The following GPC6 variants were observed in gnomAD, a reference collection of about 807,000 sequenced individuals.
GPC6 encodes glypican 6.
In GPC6, 14 loss-of-function variants were observed where a neutral mutation model predicts 55.2. The ratio of observed to expected loss-of-function variants is 0.25; its 90% confidence interval spans 0.17 to 0.40. GPC6 has a LOEUF of 0.40. Among genes scored for constraint, GPC6 ranks in the 10% least tolerant of loss-of-function variants. GPC6 has a pLI of 1.00. For synonymous variants in GPC6, 278 were observed against 259.6 expected, an observed-to-expected ratio of 1.07 and a Z score of -0.68; for missense variants, 641 against 708.5, an observed-to-expected ratio of 0.90 and a Z score of 1.08.
At chr13:93,904,578 A>G (rs1188794864) in intron 3 of GPC6, among the ~76,000 whole-genome samples, 1 of 152,080 alleles carries the variant, frequency 6.6e-6, no homozygotes, top group East Asian at 1.9e-4. Context: ...TCTCTAGAAA[A>G]AATAAAAAAA....
chr13:94,266,151 C>CTT (rs111623457), intron 4 of GPC6, among the ~76,000 whole-genome samples: 3,786 of 142,784 alleles, frequency 0.027, 97 homozygotes, highest in African/African-American at 0.069. Flanking sequence ...CTTTTCTTTT[C>CTT]TTTTTTTTTT....
chr13:93,576,653 G>A (rs1876679404), intron 2 of GPC6, among the ~76,000 whole-genome samples: 1 of 152,054 alleles, frequency 6.6e-6, no homozygotes, highest in African/African-American at 2.4e-5. Context: ...ATAGTGTCAT[G>A]CTAACGTACA....
intron 6 of GPC6, among the ~76,000 whole-genome samples, chr13:94,361,745 C>A (rs932287950): frequency 1.3e-5 from 2 of 152,124 alleles, no homozygotes; most frequent in African/African-American, 4.8e-5. Context: ...TAAATTCAGA[C>A]AGGAAGGTTG....
intron 6 of GPC6, among the ~76,000 whole-genome samples, chr13:94,325,828 A>G (rs1452322838): frequency 6.6e-6 from 1 of 152,180 alleles, no homozygotes. Flanking sequence ...CGCCAAGGCT[A>G]AAAGCAAGAT....
intron 1 of GPC6, among the ~76,000 whole-genome samples, chr13:93,401,689 C>CTTTT (rs4001853): frequency 1.6e-5 from 1 of 64,500 alleles, no homozygotes. Context: ...CATGAATGGA[C>CTTTT]TTTTTTTTTT....
rs544636566 is a variant in GPC6, at chr13:93,308,066, C to T, written c.160+80450C>T. On this transcript the variant is annotated intron_variant, in intron 1 of 8. Transcript: ENST00000377047. ...TTGGGAGGCCGAGGTGGGCGGATCA[C>T]GAAGTCAGGAGATCGAGACCATCCT... 2.6e-5 allele frequency among the ~76,000 whole-genome samples: 4 copies of T among 152,198 alleles called. 1 individual carries two copies. Among genetic ancestry groups the T allele is most frequent in the Admixed American group, 1.3e-4 (2 of 15,294 alleles).
intron 7 of GPC6, among the ~76,000 whole-genome samples, chr13:94,385,947 AC>A (rs1188994306): frequency 6.6e-6 from 1 of 152,246 alleles, no homozygotes; most frequent in Admixed American, 6.5e-5. Context: ...AAGAAAAGTT[AC>A]TTTTATCACC....
intron 1 of GPC6, among the ~76,000 whole-genome samples, chr13:93,256,891 T>C (rs1876972028): frequency 1.3e-5 from 2 of 152,148 alleles, no homozygotes; most frequent in South Asian, 2.1e-4. Context: ...CAATTAGCAA[T>C]CTAGAGGGTA....
chr13:93,747,127 T>C (rs1227633859), intron 2 of GPC6, among the ~76,000 whole-genome samples: 1 of 152,126 alleles, frequency 6.6e-6, no homozygotes, highest in Non-Finnish European at 1.5e-5. Flanking sequence ...GAGGAGCTGA[T>C]TGAACTGGCA....
At chr13:94,069,923 A>G (rs150556660) in intron 4 of GPC6, among the ~76,000 whole-genome samples, 3 of 151,750 alleles carry the variant, frequency 2.0e-5, no homozygotes, top group East Asian at 1.9e-4. Context: ...AACTGTTCCA[A>G]CCTCTTCCTG....
chr13:94,400,933 T>C (rs1398925655), intron 8 of GPC6, among the ~76,000 whole-genome samples: 2 of 152,220 alleles, frequency 1.3e-5, no homozygotes, highest in African/African-American at 4.8e-5. Flanking sequence ...TAAGTCTAAC[T>C]GGCTTACCCT....
intron 2 of GPC6, among the ~76,000 whole-genome samples, chr13:93,698,636 A>T (rs1882557354): frequency 6.6e-6 from 1 of 151,564 alleles, no homozygotes; most frequent in Non-Finnish European, 1.5e-5. Context: ...TGAATTGATC[A>T]TCTATTCTTC....
intron 4 of GPC6, among the ~76,000 whole-genome samples, chr13:94,101,753 G>A (rs1399642123): frequency 6.6e-6 from 1 of 151,452 alleles, no homozygotes; most frequent in Non-Finnish European, 1.5e-5. Flanking sequence ...AAATGTAAAT[G>A]TTTGTTGATT....
intron 3 of GPC6, among the ~76,000 whole-genome samples, chr13:93,925,172 C>T (rs542878467): frequency 6.6e-6 from 1 of 152,284 alleles, no homozygotes; most frequent in African/African-American, 2.4e-5. Flanking sequence ...AGGGCAGGCG[C>T]TGAAGATCAT....
chr13:93,744,568 T>A (rs1884327416), intron 2 of GPC6, among the ~76,000 whole-genome samples: 1 of 133,812 alleles, frequency 7.5e-6, no homozygotes, highest in Non-Finnish European at 1.5e-5. Flanking sequence ...GTTGATCAAT[T>A]CCTCCACTTT....
At chr13:93,547,295 G>A (rs1450622210) in intron 2 of GPC6, among the ~76,000 whole-genome samples, 3 of 152,238 alleles carry the variant, frequency 2.0e-5, no homozygotes, top group Non-Finnish European at 2.9e-5. Context: ...GCAGTGAGCC[G>A]AGATCGTGCC....
At chr13:94,057,552 C>A (rs1884173325) in intron 4 of GPC6, among the ~76,000 whole-genome samples, 1 of 152,110 alleles carries the variant, frequency 6.6e-6, no homozygotes, top group Non-Finnish European at 1.5e-5. Context: ...ATCTCTATTT[C>A]TTTTAACTAT....
At chr13:93,403,550 T>G (rs1876172932) in intron 1 of GPC6, among the ~76,000 whole-genome samples, 1 of 152,194 alleles carries the variant, frequency 6.6e-6, no homozygotes, top group South Asian at 2.1e-4. Context: ...TAGTCAATGC[T>G]CTTTTGTAGA....
chr13:93,694,731 G>A (rs997970402), intron 2 of GPC6, among the ~76,000 whole-genome samples: 3 of 152,118 alleles, frequency 2.0e-5, no homozygotes, highest in Admixed American at 1.3e-4. Context: ...AGCACCTTTA[G>A]GTCCTACTCT....
Sources: allele counts gnomAD v4.1 joint callset (sites outside exome capture counted in the v4.1 genomes callset), GRCh38; gene constraint gnomAD v4.1.1; transcripts MANE v1.5; gene names NCBI Gene and HGNC (gene_info 2026-07-23, HGNC 2026-07-21).